The following GSTCD variants were observed in gnomAD, a reference collection of about 807,000 sequenced individuals.
GSTCD encodes glutathione S-transferase C-terminal domain containing.
In GSTCD, 44 loss-of-function variants were observed where a neutral mutation model predicts 68.3. That is an observed-to-expected ratio of 0.64 (90% CI 0.51 to 0.83). GSTCD has a LOEUF of 0.83. GSTCD is among the 40% of genes least tolerant of loss of function. The pLI is 0.00. For synonymous variants in GSTCD, 273 were observed against 255.2 expected (o/e 1.07, Z -0.67); for missense variants, 739 against 735.9 (o/e 1.00, Z -0.05).
In GSTCD at chr4:105,749,691, A is replaced by G. The variant is rs986339124; in HGVS notation, c.1240+20192A>G. Among the ~76,000 whole-genome samples, 23 of 152,220 alleles carry G rather than the reference A, an allele frequency of 1.5e-4. 1 individual carries two copies. Among genetic ancestry groups the G allele is most frequent in the African/African-American group, 4.8e-4 (20 of 41,574 alleles). On this transcript the variant is annotated intron_variant, in intron 5 of 11. Transcript: ENST00000515279. ...AATAGATCATGGAATTAAATATAAA[A>G]TTTTAAACTATAAAACTTTAGAAGA...
intron 8 of GSTCD, among the ~76,000 whole-genome samples, chr4:105,829,842 C>T (rs1418573547): frequency 1.3e-5 from 2 of 151,508 alleles, no homozygotes; most frequent in Non-Finnish European, 2.9e-5. Context: ...AGGGAACGAT[C>T]AGAGAACAAG....
intron 3 of GSTCD, 138 bp downstream of exon 3, chr4:105,719,665 G>A (rs1343619438): frequency 3.1e-6 from 2 of 653,466 alleles, no homozygotes; most frequent in African/African-American, 3.7e-5. Context: ...TTTCTTATCT[G>A]TAAAATGGTG....
chr4:105,737,725 C>T (rs1733506730), intron 5 of GSTCD, among the ~76,000 whole-genome samples: 2 of 152,170 alleles, frequency 1.3e-5, no homozygotes, highest in Admixed American at 1.3e-4. Context: ...AGAGACTGTC[C>T]TTTCCCCAGT....
chr4:105,824,560 T>C (rs1723487854), intron 7 of GSTCD, among the ~76,000 whole-genome samples: 1 of 152,184 alleles, frequency 6.6e-6, no homozygotes, highest in Admixed American at 6.5e-5. Context: ...CTAGGAATGA[T>C]AGTGATGAAA....
chr4:105,797,651 G>A (rs2216519), intron 5 of GSTCD, among the ~76,000 whole-genome samples: 151,640 of 152,262 alleles, frequency 1, 75,516 homozygotes, highest in Middle Eastern at 1. Context: ...GTGGCAAATT[G>A]TTAAAATAAG....
In GSTCD at chr4:105,836,446, G is replaced by A. The variant is rs150020855; in HGVS notation, c.1665-1413G>A. Among the ~76,000 whole-genome samples the A allele has an allele frequency of 2.4e-3, 372 of 152,312 alleles. 2 individuals carry two copies. The highest frequency in any genetic ancestry group is 8.7e-3 in the African/African-American group (361 of 41,576). ...GGGTTGATGGTGGGGCTTCACCAGG[G>A]ACCTGCCCCTTTCTACCTAGGAGCC... On this transcript the variant is annotated intron_variant, in intron 9 of 11. Coordinates refer to ENST00000515279, the MANE Select transcript of GSTCD (RefSeq NM_001370181.1).
chr4:105,745,246 C>T (rs1204757744), intron 5 of GSTCD, among the ~76,000 whole-genome samples: 1 of 152,124 alleles, frequency 6.6e-6, no homozygotes, highest in Non-Finnish European at 1.5e-5. Flanking sequence ...AGATGGTTTA[C>T]CTTTATTTTC....
intron 5 of GSTCD, among the ~76,000 whole-genome samples, chr4:105,733,203 T>C (rs1161569683): frequency 2.0e-5 from 3 of 152,164 alleles, no homozygotes; most frequent in Non-Finnish European, 4.4e-5. Context: ...GTGTATTTGG[T>C]TTGCTTGGTG....
At chr4:105,845,268 C>G (rs1269588528) in intron 11 of GSTCD, among the ~76,000 whole-genome samples, 173 bp from the exon 12 acceptor site, 1 of 152,174 alleles carries the variant, frequency 6.6e-6, no homozygotes, top group East Asian at 1.9e-4. Context: ...TTGTCACCAT[C>G]ATCTTTCCAC....
intron 3 of GSTCD, among the ~76,000 whole-genome samples, chr4:105,724,835 T>G (rs1205926992): frequency 6.6e-6 from 1 of 151,990 alleles, no homozygotes; most frequent in Non-Finnish European, 1.5e-5. Context: ...ATTAAACAGT[T>G]AAACTAATTT....
chr4:105,727,524 C>T (rs1733081847), intron 4 of GSTCD, among the ~76,000 whole-genome samples: 3 of 141,048 alleles, frequency 2.1e-5, no homozygotes, highest in South Asian at 2.2e-4. Flanking sequence ...GACTCTGTCT[C>T]GGAAAAAAAA....
At chr4:105,797,760 C>CTTTTTTTTTTTTTTTTTTTTTTTTTTTT (rs70941218) in intron 5 of GSTCD, among the ~76,000 whole-genome samples, 2 of 84,952 alleles carry the variant, frequency 2.4e-5, no homozygotes, top group African/African-American at 9.5e-5. Flanking sequence ...CACAATAGAA[C>CTTTTTTTTTTTTTTTTTTTTTTTTTTTT]TTTTTTTTTT....
At chr4:105,796,154 A>G (rs967812692) in intron 5 of GSTCD, among the ~76,000 whole-genome samples, 29 of 152,240 alleles carry the variant, frequency 1.9e-4, no homozygotes, top group Middle Eastern at 3.2e-3. Context: ...AATAATGACG[A>G]AAGACAAGGG....
intron 5 of GSTCD, among the ~76,000 whole-genome samples, chr4:105,731,425 TCTC>T (rs1359213087): frequency 2.6e-5 from 4 of 152,210 alleles, no homozygotes; most frequent in Non-Finnish European, 5.9e-5. Context: ...AGTTTGTAGT[TCTC>T]CTTGAAGAGG....
chr4:105,755,056 C>CAAAA (rs70941214), intron 5 of GSTCD, among the ~76,000 whole-genome samples: 1 of 51,010 alleles, frequency 2.0e-5, no homozygotes, highest in Non-Finnish European at 3.4e-5. Flanking sequence ...CTCATTTCTC[C>CAAAA]AAAAAAAAAA....
At chr4:105,845,321 G>C in intron 11 of GSTCD, 120 bp from the exon 12 acceptor site, 4 of 952,622 alleles carry the variant, frequency 4.2e-6, no homozygotes, top group Non-Finnish European at 6.3e-6. Context: ...CAAGACTTAG[G>C]GGTACAAAGC....
At chr4:105,824,655 C>A (rs1247111709) in intron 7 of GSTCD, among the ~76,000 whole-genome samples, 1 of 152,168 alleles carries the variant, frequency 6.6e-6, no homozygotes, top group Non-Finnish European at 1.5e-5. Flanking sequence ...GGTTTCTCTG[C>A]CCTCTGGCCT....
intron 8 of GSTCD, among the ~76,000 whole-genome samples, chr4:105,833,239 C>T (rs1198400077): frequency 6.6e-6 from 1 of 152,006 alleles, no homozygotes; most frequent in Non-Finnish European, 1.5e-5. Flanking sequence ...CCGAGGTGGG[C>T]GGATCACCTG....
chr4:105,836,392 G>A (rs139305840), intron 9 of GSTCD, among the ~76,000 whole-genome samples: 1 of 152,300 alleles, frequency 6.6e-6, no homozygotes, highest in East Asian at 1.9e-4. Flanking sequence ...GGAGCTGGCA[G>A]CCTGGACCCC....
Sources: gnomAD v4.1 joint callset for allele counts (sites outside exome capture counted in the v4.1 genomes callset) on GRCh38, gnomAD v4.1.1 for gene constraint, MANE v1.5 for transcripts, NCBI Gene and HGNC (gene_info 2026-07-23, HGNC 2026-07-21) for gene names.